The following RAF1 variants were observed in gnomAD, a reference collection of about 807,000 sequenced individuals.
The protein encoded by RAF1 is Raf-1 proto-oncogene, serine/threonine kinase, also known as RAF proto-oncogene serine/threonine-protein kinase.
Under a neutral mutation model 81.1 loss-of-function variants are expected in RAF1, and 27 were observed. The ratio of observed to expected loss-of-function variants is 0.33; its 90% confidence interval spans 0.25 to 0.46. RAF1 has a LOEUF of 0.46. Ranked by LOEUF, RAF1 falls within the 20% of genes least tolerant of loss-of-function variation. The pLI is 1.00. For synonymous variants in RAF1, 298 were observed against 294.0 expected, an observed-to-expected ratio of 1.01 and a Z score of -0.14; for missense variants, 598 against 826.0, an observed-to-expected ratio of 0.72 and a Z score of 3.38.
intron 17 of RAF1, 87 bp from the exon 17 acceptor site, chr3:12,584,744 G>A (rs2125318466): frequency 2.5e-6 from 4 of 1,611,150 alleles, no homozygotes; most frequent in Middle Eastern, 1.7e-4. Context: ...TAGAGGACCT[G>A]GGTCCCCTCC....
rs528182920 is a variant in RAF1, at chr3:12,646,384, C to CT, written c.-27+17428dup. Among the ~76,000 whole-genome samples, 488 of 151,646 alleles carry CT rather than the reference C, an allele frequency of 3.2e-3. 2 individuals are homozygous for CT. The highest frequency in any genetic ancestry group is 0.011 in the African/African-American group (454 of 41,348). ...ACGATATTACCGGTTTCTTTTAAGTCTTTTTTTTGAGGTGGAGTCTTCCTC... is the reference window on the plus strand; with the variant it reads ...ACGATATTACCGGTTTCTTTTAAGTCTTTTTTTTTGAGGTGGAGTCTTCCTC... On this transcript the variant is annotated intron_variant, in intron 1 of 17. Transcript: ENST00000442415.
At chr3:12,629,036 A>G in intron 1 of RAF1, among the ~76,000 whole-genome samples, 1 of 152,098 alleles carries the variant, frequency 6.6e-6, no homozygotes, top group African/African-American at 2.4e-5. Flanking sequence ...GAGCTACCAC[A>G]CCCAGCCAGT....
chr3:12,659,999 ATAG>A (rs1245797944), intron 1 of RAF1, among the ~76,000 whole-genome samples: 2 of 152,188 alleles, frequency 1.3e-5, no homozygotes, highest in East Asian at 1.9e-4. Context: ...ACTACCTGAA[ATAG>A]TAGTTTAAAG....
rs2125313707 is a variant in RAF1, at chr3:12,584,103, A to C, written c.*411T>G. On this transcript the variant is annotated 3_prime_UTR_variant, in exon 18 of 18. Coordinates refer to ENST00000442415, the MANE Select transcript of RAF1 (RefSeq NM_001354689.3). Reference sequence around the variant, plus strand: ...GAAGAAAGTCCCGCCTGTGACATGCATTCCTCCAGAAGCTGATTTCCAAAA... The same window carrying C: ...GAAGAAAGTCCCGCCTGTGACATGCCTTCCTCCAGAAGCTGATTTCCAAAA... 1 of 320,242 alleles carries C rather than the reference A, an allele frequency of 3.1e-6. No homozygotes were observed. Among genetic ancestry groups the C allele is most frequent in the East Asian group, 4.7e-5 (1 of 21,488 alleles). 19.8% of individuals were successfully genotyped at this position (320,242 alleles called of 1,614,324 possible). A position where few individuals can be genotyped will look rare whatever the true frequency, so the allele number is the denominator to read the frequency against.
intron 2 of RAF1, among the ~76,000 whole-genome samples, chr3:12,613,801 C>T (rs567729220): frequency 4.6e-5 from 7 of 152,136 alleles, no homozygotes; most frequent in Non-Finnish European, 8.8e-5. Context: ...TTGCTATCAC[C>T]AGGGACTGAA....
intron 5 of RAF1, chr3:12,608,444 A>G: frequency 2.8e-6 from 1 of 356,420 alleles, no homozygotes; most frequent in Admixed American, 4.1e-5. Context: ...ACCCCAGTAG[A>G]TAATACTATT....
chr3:12,630,767 G>C (rs1227219334), intron 1 of RAF1, among the ~76,000 whole-genome samples: 1 of 152,156 alleles, frequency 6.6e-6, no homozygotes, highest in Non-Finnish European at 1.5e-5. Flanking sequence ...CCACTGAAAG[G>C]TCTTGAGCAG....
intron 10 of RAF1, 55 bp from the exon 10 acceptor site, chr3:12,599,863 T>C: frequency 7.2e-7 from 1 of 1,382,552 alleles, no homozygotes; most frequent in Non-Finnish European, 1.0e-6. Flanking sequence ...AATCTTTTGA[T>C]AATGAGGGCA....
intron 2 of RAF1, among the ~76,000 whole-genome samples, chr3:12,612,402 A>G (rs1028652637): frequency 6.6e-6 from 1 of 152,108 alleles, no homozygotes; most frequent in African/African-American, 2.4e-5. Context: ...TAATCTCAGC[A>G]CTTTGGGAAG....
intron 1 of RAF1, among the ~76,000 whole-genome samples, chr3:12,652,839 G>A (rs1362826241): frequency 2.0e-5 from 3 of 151,824 alleles, no homozygotes; most frequent in Non-Finnish European, 4.4e-5. Flanking sequence ...GACTGAGGCA[G>A]GAGAATCACT....
Position 12,584,400 on chromosome 3 carries a change from T to A in RAF1, c.*114A>T. On this transcript the variant is annotated 3_prime_UTR_variant, in exon 18 of 18. Transcript: ENST00000442415. ...CCCTGTGAGCAGTCTAGAAGGTCCT[T>A]AGCAGCAGCTTCTCTGAAAACATGT... 1 of 1,376,532 alleles carries A rather than the reference T, an allele frequency of 7.3e-7. No individual in the cohort carries two copies. The highest frequency in any genetic ancestry group is 1.0e-6 in the Non-Finnish European group (1 of 978,660). The allele number at this position is 1,376,532 out of a possible 1,614,324, so 85.3% of individuals were successfully genotyped here.
At chr3:12,650,349 T>C (rs1411577732) in intron 1 of RAF1, among the ~76,000 whole-genome samples, 1 of 151,910 alleles carries the variant, frequency 6.6e-6, no homozygotes, top group Non-Finnish European at 1.5e-5. Flanking sequence ...ACCTACATAA[T>C]TATATACCAA....
chr3:12,631,545 G>T (rs2059860429), intron 1 of RAF1, among the ~76,000 whole-genome samples: 1 of 152,200 alleles, frequency 6.6e-6, no homozygotes, highest in African/African-American at 2.4e-5. Context: ...CTTGCAGTGA[G>T]CCGAGATCGC....
chr3:12,600,895 A>C (rs2058842147), intron 8 of RAF1, among the ~76,000 whole-genome samples: 1 of 152,230 alleles, frequency 6.6e-6, no homozygotes, highest in African/African-American at 2.4e-5. Context: ...TGAAAACCAC[A>C]TTCTTTTTCT....
intron 1 of RAF1, among the ~76,000 whole-genome samples, chr3:12,651,324 C>T (rs937128131): frequency 6.6e-6 from 1 of 152,042 alleles, no homozygotes; most frequent in Non-Finnish European, 1.5e-5. Context: ...ATTTCTTTTC[C>T]CAATAATTTT....
intron 1 of RAF1, among the ~76,000 whole-genome samples, chr3:12,633,934 C>CAAAAAAA (rs35322613): frequency 1.0e-5 from 1 of 95,542 alleles, no homozygotes; most frequent in African/African-American, 3.7e-5. Flanking sequence ...AAAACTCTCT[C>CAAAAAAA]AAAAAAAAAA....
In RAF1 at chr3:12,584,929, T is replaced by C. The variant is rs370242565; in HGVS notation, c.1781A>G (p.Tyr594Cys). The C allele has an allele frequency of 1.4e-4, 225 of 1,614,072 alleles. No homozygotes were observed. The highest frequency in any genetic ancestry group is 2.0e-4 in the South Asian group (18 of 91,080). The change falls in exon 17 of 18, where the codon TAT becomes TGT. Residue 594 changes from tyrosine (Y) to cysteine (C), a missense_variant. By Grantham distance (194) the Tyr-to-Cys change is radical (BLOSUM62 -2). Coordinates refer to ENST00000442415, the MANE Select transcript of RAF1 (RefSeq NM_001354689.3). ...CTTCATTGCTTTGGGGCAGTTCTTA[T>C]ATAGCTTACTAAGATCTGGGGAGGC... is the stretch of plus-strand genomic sequence containing the variant.
intron 8 of RAF1, among the ~76,000 whole-genome samples, chr3:12,603,178 ATCC>A: frequency 6.6e-6 from 1 of 152,306 alleles, no homozygotes; most frequent in Admixed American, 6.5e-5. Flanking sequence ...GGCTCCAGTG[ATCC>A]TCCTGCCTTA....
chr3:12,617,672 G>A (rs2059414849), intron 2 of RAF1, among the ~76,000 whole-genome samples: 1 of 151,968 alleles, frequency 6.6e-6, no homozygotes, highest in Non-Finnish European at 1.5e-5. Context: ...GATTACCTGA[G>A]GTCAGGAGTT....
Sources: gnomAD v4.1 joint callset for allele counts (sites outside exome capture counted in the v4.1 genomes callset) on GRCh38, gnomAD v4.1.1 for gene constraint, MANE v1.5 for transcripts, NCBI Gene and HGNC (gene_info 2026-07-23, HGNC 2026-07-21) for gene names.